Variants in TENM2 observed in about 807,000 individuals in gnomAD.
TENM2 encodes teneurin-2.
In TENM2, 52 loss-of-function variants were observed where a neutral mutation model predicts 245.2. The ratio of observed to expected loss-of-function variants is 0.21; its 90% CI spans 0.17 to 0.27. The LOEUF is 0.27. TENM2 is among the 10% of genes least tolerant of loss of function. The probability of loss-of-function intolerance (pLI) is 1.00; values close to 1 mark genes in which losing one functional copy is unlikely to be tolerated. For missense variants in TENM2, 3,046 were observed against 3,666.8 expected, an observed-to-expected ratio of 0.83 and a Z score of 4.37; for synonymous variants, 1,363 against 1,438.9, an observed-to-expected ratio of 0.95 and a Z score of 1.19.
chr5:167,411,573 A>AGAGTGTGTGT (rs752919344), intron 2 of TENM2, among the ~76,000 whole-genome samples: 37 of 145,146 alleles, frequency 2.5e-4, no homozygotes, highest in African/African-American at 8.5e-4. Context: ...TGTAGGTGAG[A>AGAGTGTGTGT]GTGTGTGTGT....
chr5:167,429,259 G>C (rs182592675), intron 2 of TENM2, among the ~76,000 whole-genome samples: 2 of 152,242 alleles, frequency 1.3e-5, no homozygotes, highest in Admixed American at 1.3e-4. Context: ...TGTTTTAATT[G>C]TTCCTCTCCA....
chr5:167,457,496 C>T (rs1038458547), intron 2 of TENM2, among the ~76,000 whole-genome samples: 8 of 151,868 alleles, frequency 5.3e-5, no homozygotes, highest in African/African-American at 1.7e-4. Context: ...GGGTGGCATG[C>T]GCCACCATGC....
chr5:167,991,279 T>C (rs1343618192), intron 4 of TENM2, among the ~76,000 whole-genome samples: 1 of 152,214 alleles, frequency 6.6e-6, no homozygotes, highest in East Asian at 1.9e-4. Context: ...TGCAAGACAA[T>C]GAGAGGACTT....
Position 168,247,721 on chromosome 5 carries a change from A to G in TENM2, c.6782A>G (p.Gln2261Arg). 6.2e-7 allele frequency: 1 copy of G among 1,613,896 alleles called. No homozygotes were observed. Residue 2261 changes from glutamine to arginine, a missense_variant, in exon 27 of 29, where the codon CAG becomes CGG. Coordinates refer to ENST00000518659, the Ensembl canonical transcript of TENM2. The surrounding 1 kb of genome is among the most constrained non-coding windows in gnomAD (Gnocchi z 7.8). The stretch of plus-strand genomic sequence containing the variant: ...CGGATAACCAGACTCGGGGATGTGC[A>G]GTACAAAATTGACGACGATGGCTAT...
At chr5:167,956,405 T>C (rs1780559311) in intron 4 of TENM2, among the ~76,000 whole-genome samples, 1 of 152,224 alleles carries the variant, frequency 6.6e-6, no homozygotes, top group African/African-American at 2.4e-5. Flanking sequence ...TATACAATCA[T>C]ATCATCTGCA....
intron 2 of TENM2, among the ~76,000 whole-genome samples, chr5:167,810,452 CACCATT>C (rs1283182489): frequency 6.6e-6 from 1 of 151,770 alleles, no homozygotes; most frequent in East Asian, 1.9e-4. Context: ...CCCATTTCGC[CACCATT>C]ACATGTCCAT....
chr5:167,337,767 G>C (rs752055874), intron 1 of TENM2, among the ~76,000 whole-genome samples: 3 of 152,172 alleles, frequency 2.0e-5, no homozygotes, highest in Non-Finnish European at 4.4e-5. Flanking sequence ...TCAAGGAGTG[G>C]TATGACAAAG....
chr5:167,037,110 G>C, the TENM2 span, among the ~76,000 whole-genome samples: 1 of 152,274 alleles, frequency 6.6e-6, no homozygotes, highest in East Asian at 1.9e-4. Flanking sequence ...ACCAGAATTT[G>C]TGAATCCTTA....
At chr5:167,424,057 G>A (rs1053722930) in intron 2 of TENM2, among the ~76,000 whole-genome samples, 1 of 152,074 alleles carries the variant, frequency 6.6e-6, no homozygotes, top group East Asian at 1.9e-4. Flanking sequence ...CTGCTTCTCT[G>A]CCTCTGTCCC....
chr5:167,231,506 T>G, the TENM2 span, among the ~76,000 whole-genome samples: 36,802 of 152,064 alleles, frequency 0.24, 5,867 homozygotes, highest in African/African-American at 0.45. Context: ...CTAGAGATCT[T>G]TGGAACTTTG....
At chr5:167,559,130 C>T (rs1244705237) in intron 2 of TENM2, among the ~76,000 whole-genome samples, 2 of 152,140 alleles carry the variant, frequency 1.3e-5, no homozygotes, top group East Asian at 1.9e-4. Context: ...CCCATAACCT[C>T]AAATATATAC....
chr5:168,098,223 T>A (rs1793524594), intron 9 of TENM2, 96 bp downstream of exon 11: 2 of 822,740 alleles, frequency 2.4e-6, no homozygotes, highest in South Asian at 3.0e-5. Context: ...AGCCTTCCCA[T>A]CAAATCCCCC....
intron 2 of TENM2, among the ~76,000 whole-genome samples, chr5:167,645,852 A>G (rs1779893439): frequency 6.6e-6 from 1 of 152,048 alleles, no homozygotes; most frequent in Non-Finnish European, 1.5e-5. Context: ...ATATATGTAT[A>G]TGTAATGCAT....
chr5:167,952,669 C>A lies in TENM2; in HGVS notation c.794C>A (p.Ser265Ter). 6.2e-7 allele frequency: 1 copy of A among 1,613,090 alleles called. No individual in the cohort carries two copies. Among genetic ancestry groups the A allele is most frequent in the African/African-American group, 1.3e-5 (1 of 74,968 alleles). Residue 265 changes from serine to a stop codon, truncating the protein, a stop_gained, in exon 4 of 29, where the codon TCG becomes TAG. Transcript: ENST00000518659. LOFTEE classifies it high-confidence loss of function. ...AACCACACGCTGTCCCATCACCACTCGTCCGCCAACTCCCTCAACAGGAAC... is the reference window on the plus strand; with the variant it reads ...AACCACACGCTGTCCCATCACCACTAGTCCGCCAACTCCCTCAACAGGAAC...
At chr5:167,882,610 G>C (rs1324364545) in intron 3 of TENM2, among the ~76,000 whole-genome samples, 1 of 152,178 alleles carries the variant, frequency 6.6e-6, no homozygotes, top group Non-Finnish European at 1.5e-5. Context: ...AGGTGAAGGG[G>C]AAGAACAGCA....
the TENM2 span, among the ~76,000 whole-genome samples, chr5:167,251,960 A>T: frequency 3.9e-5 from 6 of 152,130 alleles, no homozygotes; most frequent in Non-Finnish European, 5.9e-5. Context: ...CTAGAGATGA[A>T]ACACTATTCA....
At chr5:168,016,745 G>A (rs555064694) in intron 5 of TENM2, among the ~76,000 whole-genome samples, 6 of 152,314 alleles carry the variant, frequency 3.9e-5, no homozygotes, top group South Asian at 4.1e-4. Context: ...ATAGAATGGC[G>A]CTGGAATCCC....
intron 11 of TENM2, among the ~76,000 whole-genome samples, chr5:168,126,501 T>G (rs1795860238): frequency 6.6e-6 from 1 of 151,916 alleles, no homozygotes; most frequent in Non-Finnish European, 1.5e-5. Flanking sequence ...GGCACAAGAG[T>G]CTACATTTCT....
chr5:167,607,062 A>C (rs732711), intron 2 of TENM2, among the ~76,000 whole-genome samples: 89,026 of 151,874 alleles, frequency 0.59, 27,254 homozygotes, highest in Middle Eastern at 0.72. Context: ...ACAAATTTAA[A>C]TATCTACAGG....
Sources: allele counts gnomAD v4.1 joint callset (sites outside exome capture counted in the v4.1 genomes callset), GRCh38; gene constraint gnomAD v4.1.1; non-coding constraint Gnocchi (gnomAD v3.1); transcripts MANE v1.5; gene names NCBI Gene and HGNC (gene_info 2026-07-23, HGNC 2026-07-21).